Variants in ZNF630 observed in about 807,000 individuals in gnomAD.
The protein encoded by ZNF630 is zinc finger protein 630, also known as dJ54B20.2 (novel KRAB box containing C2H2 type zinc finger protein).
In ZNF630, 5 loss-of-function variants were observed where a neutral mutation model predicts 7.2. That is an observed-to-expected ratio of 0.70 (90% CI 0.36 to 1.46). The LOEUF (loss-of-function observed/expected upper bound fraction) is 1.46, where lower values mean the gene tolerates loss of function less well. ZNF630 is among the 40% of genes most tolerant of loss of function. The pLI, the probability that ZNF630 is intolerant of heterozygous loss-of-function variation, is 0.03. For synonymous variants in ZNF630, 158 were observed against 162.8 expected, an observed-to-expected ratio of 0.97 and a Z score of 0.23; for missense variants, 461 against 477.0, an observed-to-expected ratio of 0.97 and a Z score of 0.31.
rs1210374790 is a variant in ZNF630 at position 48,069,841 on chromosome X, G to GTTTTTTTTTTTTTTTTTTTTTT, written c.-176+1425_-176+1426insAAAAAAAAAAAAAAAAAAAAAA. Among the ~76,000 whole-genome samples, 3 of 41,136 alleles carry GTTTTTTTTTTTTTTTTTTTTTT rather than the reference G, an allele frequency of 7.3e-5. 1 individual carries two copies. The highest frequency in any genetic ancestry group is 6.1e-5 in the African/African-American group (1 of 16,378). 35.7% of individuals were successfully genotyped at this position (41,136 alleles called of 115,157 possible). On this transcript the variant is annotated intron_variant, in intron 1 of 4. Coordinates refer to ENST00000276054, the MANE Select transcript of ZNF630 (RefSeq NM_001282201.2). ...TCCTAAATTCCACAGGACATTGTCTGTTTTTTTTTTTTTTGTTTTTTGTTT... is the reference window on the plus strand; with the variant it reads ...TCCTAAATTCCACAGGACATTGTCTGTTTTTTTTTTTTTTTTTTTTTTTTTTTTTTTTTTTTGTTTTTTGTTT...
At chrX:48,064,892 T>C (rs1178681821) in intron 2 of ZNF630, among the ~76,000 whole-genome samples, 8 of 112,074 alleles carry the variant, frequency 7.1e-5, no homozygotes, top group Non-Finnish European at 1.3e-4. Context: ...ACAGCCAGGC[T>C]CATTGGTTTA....
chrX:48,063,137 C>T (rs2059114767), intron 2 of ZNF630, among the ~76,000 whole-genome samples: 1 of 108,937 alleles, frequency 9.2e-6, no homozygotes, highest in Non-Finnish European at 1.9e-5. Context: ...TAGCGAATAC[C>T]AAGCACTATT....
chrX:48,066,015 T>C (rs1432585022), intron 2 of ZNF630, among the ~76,000 whole-genome samples: 2 of 111,402 alleles, frequency 1.8e-5, no homozygotes, highest in African/African-American at 3.3e-5. Flanking sequence ...ATCTCTACTT[T>C]CGTATATATT....
At chrX:48,061,503 A>G (rs1180744048) in intron 2 of ZNF630, among the ~76,000 whole-genome samples, 1 of 111,848 alleles carries the variant, frequency 8.9e-6, no homozygotes, top group Non-Finnish European at 1.9e-5. Context: ...CAAAGAGTTA[A>G]TTTCCTCCAT....
At chrX:48,061,691 T>C (rs2059106060) in intron 2 of ZNF630, 2 of 290,743 alleles carry the variant, frequency 6.9e-6, no homozygotes, top group Non-Finnish European at 1.3e-5. Flanking sequence ...GTTCTCATAA[T>C]AGTGAGTGAG....
At chrX:48,061,075 G>T in intron 2 of ZNF630, 130 bp from the exon 3 acceptor site, 1 of 504,037 alleles carries the variant, frequency 2.0e-6, no homozygotes. Flanking sequence ...CCTGCCATTA[G>T]CAAGAATAGT....
rs111354941 is a variant in ZNF630 at position 48,065,879 on chromosome X, C to T, written c.15+993G>A. 3.3e-3 allele frequency among the ~76,000 whole-genome samples: 361 copies of T among 110,724 alleles called. 6 individuals are homozygous for T. Among genetic ancestry groups the T allele is most frequent in the African/African-American group, 0.011 (345 of 30,388 alleles). ...GTATAAACCCTAAACAAAATATTAA[C>T]AAGGGATTGGCTAGATCATGATGAT... On this transcript the variant is annotated intron_variant, in intron 2 of 4. Coordinates refer to ENST00000276054, the MANE Select transcript of ZNF630 (RefSeq NM_001282201.2).
chrX:48,067,931 G>GGC lies in ZNF630; in HGVS notation c.-175-872_-175-871dup, dbSNP rs1265729732. Among the ~76,000 whole-genome samples the GGC allele has an allele frequency of 4.5e-5, 5 of 110,181 alleles. No homozygotes were observed. The East Asian group carries it at 1.4e-3, about 31-fold the overall frequency. On this transcript the variant is annotated intron_variant, in intron 1 of 4. Transcript: ENST00000276054. ...CAAAAATTAGCCAGGCGTAGTGGTG[G>GGC]GCGCCTGTATTCCCAGCTACTAGGG...
Position 48,060,482 on chromosome X carries a change from A to G in ZNF630, c.206T>C (p.Ile69Thr), listed in dbSNP as rs782756385. The change falls in exon 4 of 5, where the codon ATA (isoleucine) becomes ACA (threonine). Residue 69 changes from isoleucine (I) to threonine (T), a missense_variant. Coordinates refer to ENST00000276054, the MANE Select transcript of ZNF630 (RefSeq NM_001282201.2). ...GATCCACCTTGACAACTCACTCTCT[A>G]TGATCCATGGGTCCTTTCCATGTTC... Reference protein sequence around the residue: ...KLEHGKDPWIIESELSRWIYP... With the variant: ...KLEHGKDPWITESELSRWIYP... The G allele has an allele frequency of 4.1e-6, 5 of 1,207,304 alleles. No individual in the cohort carries two copies. Among genetic ancestry groups the G allele is most frequent in the Admixed American group, 4.4e-5 (2 of 45,796 alleles).
At chrX:48,065,949 CT>C (rs1470978306) in intron 2 of ZNF630, among the ~76,000 whole-genome samples, 2 of 111,225 alleles carry the variant, frequency 1.8e-5, no homozygotes, top group Non-Finnish European at 1.9e-5. Context: ...ATAAAACAAG[CT>C]TGGTTATCAG....
chrX:48,058,880 C>A lies in ZNF630; in HGVS notation c.1562G>T (p.Gly521Val). The A allele has an allele frequency of 1.7e-6, 2 of 1,207,277 alleles. No homozygotes were observed. The highest frequency in any genetic ancestry group is 2.2e-6 in the Non-Finnish European group (2 of 892,751). ...GAGTGATTTCTGGGAGAAGGTTTTG[C>A]CACATTCACCACACTGATAAGGTTT... ...GEKPYQCGEC[G>V]KTFSQKSLLI... The change falls in exon 5 of 5, where the codon GGC (glycine) becomes GTC (valine). Residue 521 changes from glycine (G) to valine (V), a missense_variant. Coordinates refer to ENST00000276054, the MANE Select transcript of ZNF630 (RefSeq NM_001282201.2).
At chrX:48,070,718 A>C (rs782022107) in intron 1 of ZNF630, among the ~76,000 whole-genome samples, 1 of 110,589 alleles carries the variant, frequency 9.0e-6, no homozygotes, top group Admixed American at 9.6e-5. Context: ...AAGATCTCCA[A>C]GTGATGAATC....
intron 3 of ZNF630, 114 bp from the exon 4 acceptor site, chrX:48,060,659 A>C: frequency 1.1e-6 from 1 of 918,402 alleles, no homozygotes; most frequent in Non-Finnish European, 1.5e-6. Context: ...CCATAACATA[A>C]AAATAAATTC....
intron 2 of ZNF630, 118 bp from the exon 3 acceptor site, chrX:48,061,063 A>C (rs371416534): frequency 5.1e-4 from 304 of 595,183 alleles, no homozygotes; most frequent in Admixed American, 1.6e-4. Context: ...ACAATGTAAA[A>C]CCCTGCCATT....
chrX:48,063,898 A>G (rs1556909629), intron 2 of ZNF630, among the ~76,000 whole-genome samples: 2 of 110,885 alleles, frequency 1.8e-5, no homozygotes, highest in African/African-American at 6.6e-5. Flanking sequence ...AAAAAAATAT[A>G]TATATATACG....
rs782623945 is a variant in ZNF630 at position 48,058,538 on chromosome X, G to T, written c.1904C>A (p.Ala635Glu). 1.1e-5 allele frequency: 13 copies of T among 1,205,077 alleles called. No individual in the cohort carries two copies. In the African/African-American group the frequency reaches 2.1e-4, roughly 20 times the overall value. ...KPSRCSDCGK[A>E]FCQHVYFTGH... ...AGTAAAGTATACATGCTGGCAGAAT[G>T]CCTTCCCACAGTCACTGCATCTGGA... The change falls in exon 5 of 5, where the codon GCA becomes GAA. Residue 635 changes from alanine to glutamate, a missense_variant. Physicochemically the swap from Ala to Glu is moderately radical, Grantham distance 107. Transcript: ENST00000276054.
chrX:48,066,708 TTTAGC>T (rs782003257), intron 2 of ZNF630, 159 bp downstream of exon 2: 2 of 584,513 alleles, frequency 3.4e-6, no homozygotes, highest in Non-Finnish European at 5.4e-6. Flanking sequence ...TAGTCAAAAT[TTTAGC>T]TAAGTTTCTA....
chrX:48,058,322 A>G lies in ZNF630; in HGVS notation c.*146T>C. The G allele has an allele frequency of 1.8e-6, 1 of 549,700 alleles. No individual in the cohort carries two copies. The highest frequency in any genetic ancestry group is 2.7e-6 in the Non-Finnish European group (1 of 369,490). The allele number at this position is 549,700 out of a possible 1,213,427, so 45.3% of individuals were successfully genotyped here. On this transcript the variant is annotated 3_prime_UTR_variant, in exon 5 of 5. Transcript: ENST00000276054. The stretch of plus-strand genomic sequence containing the variant: ...ATGTTGAAAATATTCTGAGGGCCTA[A>G]GCAGATCATTCTGTGGAAGGGTAAT...
In ZNF630 at chrX:48,066,981, T is replaced by G; in HGVS notation, c.-95A>C. ...AGTTAACCACTCTTCAACAGCTGGA[T>G]GTGACAATGTGTTGCTTGTTAATTC... On this transcript the variant is annotated 5_prime_UTR_variant, in exon 2 of 5. Coordinates refer to ENST00000276054, the MANE Select transcript of ZNF630 (RefSeq NM_001282201.2). The G allele has an allele frequency of 2.2e-6, 2 of 924,414 alleles. No homozygotes were observed. The allele number at this position is 924,414 out of a possible 1,213,427, so 76.2% of individuals were successfully genotyped here.
Sources: allele counts gnomAD v4.1 joint callset (sites outside exome capture counted in the v4.1 genomes callset), GRCh38; gene constraint gnomAD v4.1.1; transcripts MANE v1.5; gene names NCBI Gene and HGNC (gene_info 2026-07-23, HGNC 2026-07-21).